CSMD3: variants seen among roughly 807,000 people sequenced by gnomAD.
CSMD3 encodes the protein CUB and Sushi multiple domains 3, also known as CUB and sushi domain-containing protein 3.
Under a neutral mutation model 435.2 loss-of-function variants are expected in CSMD3, and 177 were observed. The ratio of observed to expected loss-of-function variants is 0.41; its 90% CI spans 0.36 to 0.46. The LOEUF (loss-of-function observed/expected upper bound fraction) is 0.46, where lower values mean the gene tolerates loss of function less well. Among genes scored for constraint, CSMD3 ranks in the 20% least tolerant of loss-of-function variants. The probability of loss-of-function intolerance (pLI) is 0.34; values close to 1 mark genes in which losing one functional copy is unlikely to be tolerated. For synonymous variants in CSMD3, 1,656 were observed against 1,520.5 expected (o/e 1.09, Z -2.07); for missense variants, 4,265 against 4,504.6 (o/e 0.95, Z 1.52).
intron 13 of CSMD3, among the ~76,000 whole-genome samples, chr8:112,711,861 T>C (rs1053174049): frequency 1.3e-5 from 2 of 152,074 alleles, no homozygotes; most frequent in Non-Finnish European, 2.9e-5. Context: ...ATTCTTGAGC[T>C]CAAATATAAT....
At chr8:113,350,598 T>C (rs771613348) in intron 1 of CSMD3, among the ~76,000 whole-genome samples, 3 of 152,106 alleles carry the variant, frequency 2.0e-5, no homozygotes, top group African/African-American at 7.2e-5. Context: ...ACGGGAAAGA[T>C]CAAACCATTC....
At chr8:112,685,909 G>C (rs886723908) in intron 14 of CSMD3, among the ~76,000 whole-genome samples, 177 bp from the exon 15 acceptor site, 22 of 152,006 alleles carry the variant, frequency 1.4e-4, no homozygotes, top group African/African-American at 5.3e-4. Flanking sequence ...AAGGCAACTA[G>C]TACTTTGGAT....
chr8:112,628,929 T>C (rs1374004536), intron 22 of CSMD3, among the ~76,000 whole-genome samples: 1 of 152,076 alleles, frequency 6.6e-6, no homozygotes, highest in Non-Finnish European at 1.5e-5. Context: ...TTAAGGGCAG[T>C]GGAAAACAAT....
intron 68 of CSMD3, among the ~76,000 whole-genome samples, chr8:112,232,639 T>C (rs1444369998): frequency 2.0e-5 from 3 of 152,082 alleles, no homozygotes; most frequent in Non-Finnish European, 4.4e-5. Context: ...TAATCAGCTA[T>C]GATGAGGGTT....
intron 13 of CSMD3, among the ~76,000 whole-genome samples, chr8:112,690,913 G>A (rs2076121842): frequency 6.6e-6 from 1 of 151,900 alleles, no homozygotes; most frequent in Non-Finnish European, 1.5e-5. Context: ...GTAACTTTAA[G>A]ATAAAGTTAT....
At chr8:113,054,569 TTGTC>T (rs1370935409) in intron 5 of CSMD3, among the ~76,000 whole-genome samples, 1 of 152,172 alleles carries the variant, frequency 6.6e-6, no homozygotes, top group Non-Finnish European at 1.5e-5. Context: ...TCCTATTTGT[TTGTC>T]TATCATTTGC....
At chr8:113,269,499 C>G (rs2093501437) in intron 3 of CSMD3, among the ~76,000 whole-genome samples, 1 of 152,072 alleles carries the variant, frequency 6.6e-6, no homozygotes, top group Non-Finnish European at 1.5e-5. Context: ...CCCTCATCAC[C>G]AAGTCGATCC....
intron 1 of CSMD3, among the ~76,000 whole-genome samples, chr8:113,392,641 T>C (rs1388158057): frequency 1.3e-5 from 2 of 152,224 alleles, no homozygotes; most frequent in Admixed American, 6.6e-5. Flanking sequence ...ATAATATGGA[T>C]ATTAGATTCT....
intron 10 of CSMD3, among the ~76,000 whole-genome samples, chr8:112,869,475 G>A (rs1217961424): frequency 1.3e-5 from 2 of 152,072 alleles, no homozygotes; most frequent in Non-Finnish European, 2.9e-5. Context: ...TTGCAGTGTG[G>A]TGTTTCCTCA....
intron 41 of CSMD3, 121 bp downstream of exon 41, chr8:112,345,976 T>G: frequency 1.3e-6 from 1 of 746,966 alleles, no homozygotes; most frequent in South Asian, 1.4e-5. Context: ...TAGTTGTATG[T>G]ATTCCTAAAC....
chr8:113,072,865 T>TATC (rs1412865229), intron 5 of CSMD3, among the ~76,000 whole-genome samples: 1 of 151,748 alleles, frequency 6.6e-6, no homozygotes, highest in Non-Finnish European at 1.5e-5. Context: ...TTCTTGTTCT[T>TATC]ATCATCACCC....
chr8:112,688,344 T>A (rs907619536), intron 14 of CSMD3, among the ~76,000 whole-genome samples: 2 of 152,130 alleles, frequency 1.3e-5, no homozygotes, highest in East Asian at 1.9e-4. Context: ...AATTTGTTAG[T>A]ACCACACTCA....
In CSMD3 at chr8:112,550,845, C is replaced by T. The variant is rs1193651484; in HGVS notation, c.4390G>A (p.Ala1464Thr). ...SLQFLAFDTE[A>T]SHDILRVWDG... The stretch of plus-strand genomic sequence containing the variant: ...CAGACTCGGAGTATATCATGTGATG[C>T]TTCCGTATCAAAAGCAAGAAACTGC... Residue 1464 changes from alanine to threonine, a missense_variant, in exon 27 of 71, where the codon GCA (alanine) becomes ACA (threonine). Physicochemically the swap from Ala to Thr is moderately conservative, Grantham distance 58. Around this residue, in one of 3 missense-constraint regions of CSMD3, gnomAD observed 3,255 missense variants for 3,380.2 expected, o/e 0.96. Transcript: ENST00000297405. The T allele has an allele frequency of 2.5e-6, 4 of 1,611,930 alleles. No individual in the cohort carries two copies. The highest frequency in any genetic ancestry group is 3.4e-6 in the Non-Finnish European group (4 of 1,178,532).
intron 1 of CSMD3, among the ~76,000 whole-genome samples, chr8:113,397,742 C>T (rs1439908260): frequency 1.3e-5 from 2 of 151,790 alleles, no homozygotes; most frequent in East Asian, 1.9e-4. Flanking sequence ...GGCGTGAACC[C>T]GGTAGGCGGA....
chr8:112,556,640 G>T, intron 25 of CSMD3, 123 bp downstream of exon 25: 1 of 717,596 alleles, frequency 1.4e-6, no homozygotes, highest in Non-Finnish European at 2.3e-6. Context: ...CAAGCTATGA[G>T]TTCATTAATT....
chr8:112,699,384 T>A (rs1355564850), intron 13 of CSMD3, among the ~76,000 whole-genome samples: 1 of 152,120 alleles, frequency 6.6e-6, no homozygotes, highest in East Asian at 1.9e-4. Flanking sequence ...GGCTTCATGC[T>A]TGAAGTCGGC....
intron 8 of CSMD3, among the ~76,000 whole-genome samples, chr8:112,948,944 T>G (rs1013138017): frequency 8.6e-5 from 13 of 152,004 alleles, no homozygotes; most frequent in African/African-American, 3.1e-4. Context: ...GGGTCTTGCT[T>G]TGCCATCCAT....
At chr8:112,841,391 G>A (rs1020046961) in intron 11 of CSMD3, among the ~76,000 whole-genome samples, 2 of 151,820 alleles carry the variant, frequency 1.3e-5, no homozygotes, top group East Asian at 3.9e-4. Context: ...CCAGTTCCTT[G>A]TCATTCCATA....
At position 112,313,916 on chromosome 8, in the gene CSMD3, T is replaced by C. The variant is rs1472005269; in HGVS notation, c.7686A>G (p.Ile2562Met). ...DHGNNKKGFR[I>M]RYIAFYCSTP... ...ATAAGTTTTACATACCTATATATCT[T>C]ATCCGGAAGCCTTTTTTGTTATTGC... Residue 2562 changes from isoleucine (I) to methionine (M), a missense_variant, in exon 49 of 71, where the codon ATA (isoleucine) becomes ATG (methionine). Transcript: ENST00000297405. 6.2e-7 allele frequency: 1 copy of C among 1,611,058 alleles called. No individual in the cohort carries two copies. The highest frequency in any genetic ancestry group is 8.5e-7 in the Non-Finnish European group (1 of 1,177,726).
Sources: gnomAD v4.1 joint callset for allele counts (sites outside exome capture counted in the v4.1 genomes callset) on GRCh38, gnomAD v4.1.1 for gene constraint, gnomAD v4.1.1 regional missense constraint, MANE v1.5 for transcripts, NCBI Gene and HGNC (gene_info 2026-07-23, HGNC 2026-07-21) for gene names.